Variants in APLF observed in about 807,000 individuals in gnomAD.
APLF encodes the protein aprataxin and PNK-like factor.
In APLF, 61 loss-of-function variants were observed where a neutral mutation model predicts 55.6. The observed-to-expected ratio is 1.10, with a 90% CI of 0.89 to 1.36. APLF has a LOEUF of 1.36. Ranked by LOEUF, APLF falls within the 40% of genes most tolerant of loss-of-function variation. APLF has a pLI of 0.00. For synonymous variants in APLF, 207 were observed against 214.8 expected, an observed-to-expected ratio of 0.96 and a Z score of 0.32; for missense variants, 611 against 602.5, an observed-to-expected ratio of 1.01 and a Z score of -0.15.
intron 6 of APLF, 152 bp downstream of exon 6, chr2:68,526,394 C>A: frequency 1.4e-6 from 2 of 1,449,968 alleles, no homozygotes; most frequent in South Asian, 2.3e-5. Context: ...CTTACTGAAA[C>A]TAATCTTTAA....
chr2:68,495,207 A>C (rs2103917808), intron 2 of APLF, among the ~76,000 whole-genome samples: 1 of 152,312 alleles, frequency 6.6e-6, no homozygotes. Flanking sequence ...CCAAAGTCTT[A>C]ACTCATTCCA....
chr2:68,572,206 A>G (rs1671488281), intron 9 of APLF, among the ~76,000 whole-genome samples: 1 of 152,154 alleles, frequency 6.6e-6, no homozygotes, highest in Non-Finnish European at 1.5e-5. Context: ...GGAATTATAA[A>G]AAGAAATGAA....
At chr2:68,481,044 T>C (rs887189624) in intron 1 of APLF, among the ~76,000 whole-genome samples, 1 of 152,202 alleles carries the variant, frequency 6.6e-6, no homozygotes, top group African/African-American at 2.4e-5. Context: ...TGAATCTATA[T>C]GTTCATCAGG....
chr2:68,483,448 A>G (rs1676028105), intron 1 of APLF, among the ~76,000 whole-genome samples: 1 of 152,122 alleles, frequency 6.6e-6, no homozygotes, highest in Non-Finnish European at 1.5e-5. Flanking sequence ...CTCCACAGGG[A>G]TCTTGCCACT....
chr2:68,554,745 T>A (rs1670957717), intron 8 of APLF, among the ~76,000 whole-genome samples: 1 of 152,012 alleles, frequency 6.6e-6, no homozygotes, highest in African/African-American at 2.4e-5. Context: ...GTACATTGAT[T>A]TTGTATCCGG....
intron 7 of APLF, among the ~76,000 whole-genome samples, chr2:68,541,463 A>T (rs888411931): frequency 6.6e-6 from 1 of 152,214 alleles, no homozygotes; most frequent in Non-Finnish European, 1.5e-5. Context: ...TAAGAAAAAA[A>T]AATGAGCAAA....
intron 6 of APLF, chr2:68,528,862 C>T: frequency 6.6e-7 from 1 of 1,525,508 alleles, no homozygotes; most frequent in South Asian, 1.2e-5. Flanking sequence ...TGGGATTGTA[C>T]CAGGAGGAAG....
chr2:68,545,356 C>G, intron 8 of APLF, 44 bp downstream of exon 8: 1 of 1,581,044 alleles, frequency 6.3e-7, no homozygotes, highest in Non-Finnish European at 8.6e-7. Flanking sequence ...TCTTTCTTAT[C>G]TCTGTTACTT....
chr2:68,479,244 C>T lies in APLF; in HGVS notation c.97-10946C>T, dbSNP rs377631272. ...TCCCTAGAGAGAACATCACGAGTCC[C>T]GAAGGATTACACCATTGAAGACACC... On this transcript the variant is annotated intron_variant, in intron 1 of 9. Coordinates refer to ENST00000303795, the MANE Select transcript of APLF (RefSeq NM_173545.3). Among the ~76,000 whole-genome samples the T allele has an allele frequency of 2.1e-3, 317 of 152,124 alleles. 2 individuals are homozygous for T. The highest frequency in any genetic ancestry group is 7.3e-3 in the African/African-American group (302 of 41,464).
intron 6 of APLF, 111 bp downstream of exon 6, chr2:68,526,353 A>G: frequency 7.0e-7 from 1 of 1,435,146 alleles, no homozygotes; most frequent in Non-Finnish European, 9.6e-7. Flanking sequence ...TGTTGAGTTT[A>G]TGAAGACAAA....
intron 8 of APLF, among the ~76,000 whole-genome samples, chr2:68,555,914 G>T (rs1670995752): frequency 6.6e-6 from 1 of 152,186 alleles, no homozygotes; most frequent in Admixed American, 6.5e-5. Flanking sequence ...CATGTTTATA[G>T]CAGCACAATT....
Position 68,538,203 on chromosome 2 carries a change from G to A in APLF, c.1136G>A (p.Cys379Tyr), listed in dbSNP as rs941443080. The change falls in exon 7 of 10, where the codon TGC (cysteine) becomes TAC (tyrosine). Residue 379 changes from cysteine to tyrosine, a missense_variant. By Grantham distance (194) the Cys-to-Tyr change is radical (BLOSUM62 -2). Coordinates refer to ENST00000303795, the MANE Select transcript of APLF (RefSeq NM_173545.3). ...GGAAACAAGGTCAAGAGGACATCCT[G>A]CATGTATGGGGCAAACTGCTATAGG... ...SEGNKVKRTS[C>Y]MYGANCYRKN... is the part of the protein sequence containing the mutation. 1.9e-6 allele frequency: 3 copies of A among 1,606,744 alleles called. No individual in the cohort carries two copies. The highest frequency in any genetic ancestry group is 2.5e-6 in the Non-Finnish European group (3 of 1,177,844).
At chr2:68,560,211 A>G (rs780567424) in intron 8 of APLF, among the ~76,000 whole-genome samples, 7 of 151,972 alleles carry the variant, frequency 4.6e-5, no homozygotes, top group Non-Finnish European at 7.4e-5. Context: ...ATATTTGTTT[A>G]CTGTCTTATC....
At chr2:68,517,869 A>G (rs1229876902) in intron 5 of APLF, among the ~76,000 whole-genome samples, 1 of 144,940 alleles carries the variant, frequency 6.9e-6, no homozygotes, top group African/African-American at 2.5e-5. Flanking sequence ...GTTAATATAT[A>G]GCAGTAATAT....
rs1429102938 is a variant in APLF at position 68,467,602 on chromosome 2, C to A, written c.-130C>A. The A allele has an allele frequency of 9.9e-6, 7 of 706,198 alleles. No homozygotes were observed. Among genetic ancestry groups the A allele is most frequent in the African/African-American group, 9.2e-5 (5 of 54,232 alleles). 43.7% of individuals were successfully genotyped at this position (706,198 alleles called of 1,614,324 possible). On this transcript the variant is annotated 5_prime_UTR_variant, in exon 1 of 10. Coordinates refer to ENST00000303795, the MANE Select transcript of APLF (RefSeq NM_173545.3). ...CGGGCTCTGAGAGGACCGGCGCAGCCGCGGGGAGCCTTTGAGGCCCTCCCT... is the reference window on the plus strand; with the variant it reads ...CGGGCTCTGAGAGGACCGGCGCAGCAGCGGGGAGCCTTTGAGGCCCTCCCT...
At chr2:68,519,748 T>C (rs1669838929) in intron 5 of APLF, among the ~76,000 whole-genome samples, 1 of 151,664 alleles carries the variant, frequency 6.6e-6, no homozygotes, top group South Asian at 2.1e-4. Context: ...TCCATGTTTT[T>C]GCAATTGCGA....
At chr2:68,485,665 T>C (rs908244863) in intron 1 of APLF, among the ~76,000 whole-genome samples, 11 of 152,122 alleles carry the variant, frequency 7.2e-5, no homozygotes, top group African/African-American at 1.9e-4. Flanking sequence ...GTGATTTTTC[T>C]GGTTCTACCA....
intron 5 of APLF, among the ~76,000 whole-genome samples, chr2:68,518,422 T>C (rs1323186838): frequency 8.9e-6 from 1 of 112,338 alleles, no homozygotes; most frequent in South Asian, 2.5e-4. Flanking sequence ...TATTATATAA[T>C]AATTTATTAT....
chr2:68,533,849 G>A (rs1240752838), intron 6 of APLF, among the ~76,000 whole-genome samples: 1 of 152,174 alleles, frequency 6.6e-6, no homozygotes, highest in Non-Finnish European at 1.5e-5. Flanking sequence ...CAAGTTACCA[G>A]GTCTCATAGG....
Sources: gnomAD v4.1 joint callset for allele counts (sites outside exome capture counted in the v4.1 genomes callset) on GRCh38, gnomAD v4.1.1 for gene constraint, MANE v1.5 for transcripts, NCBI Gene and HGNC (gene_info 2026-07-23, HGNC 2026-07-21) for gene names.